PRKD1: variants seen among roughly 807,000 people sequenced by gnomAD.
PRKD1 encodes serine/threonine-protein kinase D1.
Under a neutral mutation model 95.9 loss-of-function variants are expected in PRKD1, and 63 were observed. That is an observed-to-expected ratio of 0.66 (90% confidence interval 0.54 to 0.81). PRKD1 has a LOEUF of 0.81. Among genes scored for constraint, PRKD1 ranks in the 30% least tolerant of loss-of-function variants. The pLI is 0.00. For missense variants in PRKD1, 1,048 were observed against 1,165.3 expected (o/e 0.90, Z 1.47); for synonymous variants, 425 against 423.1 (o/e 1.00, Z -0.05).
At position 29,577,136 on chromosome 14, in the gene PRKD1, C is replaced by A; in HGVS notation, c.*102G>T. The A allele has an allele frequency of 8.2e-7, 1 of 1,219,936 alleles. No homozygotes were observed. The highest frequency in any genetic ancestry group is 1.2e-6 in the Non-Finnish European group (1 of 852,676). 75.6% of individuals were successfully genotyped at this position (1,219,936 alleles called of 1,614,324 possible). The stretch of plus-strand genomic sequence containing the variant: ...GCTAACAGTTTAACAGCTTTGTTCT[C>A]ATCTGACAGAAAATAATGGCAGTTC... On this transcript the variant is annotated 3_prime_UTR_variant, in exon 18 of 18. Transcript: ENST00000331968.
In PRKD1 at chr14:29,908,858, T is replaced by G. The variant is rs535954218; in HGVS notation, c.264+18391A>C. 3.2e-3 allele frequency among the ~76,000 whole-genome samples: 481 copies of G among 152,218 alleles called. 1 individual carries two copies. Among genetic ancestry groups the G allele is most frequent in the African/African-American group, 0.011 (470 of 41,544 alleles). On this transcript the variant is annotated intron_variant, in intron 1 of 17. Transcript: ENST00000331968. ...CAGTGTGCTGGCAGCCCTCGCTCATTCTGGGCACCTCCTTGGCCTCAGCAC... is the reference window on the plus strand; with the variant it reads ...CAGTGTGCTGGCAGCCCTCGCTCATGCTGGGCACCTCCTTGGCCTCAGCAC...
In PRKD1 at chr14:29,718,051, G is replaced by A. The variant is rs1885712365; in HGVS notation, c.403+7485C>T. Among the ~76,000 whole-genome samples, 3 of 152,076 alleles carry A rather than the reference G, an allele frequency of 2.0e-5. No individual in the cohort carries two copies. In the South Asian group the frequency reaches 6.2e-4, roughly 32 times the overall value. On this transcript the variant is annotated intron_variant, in intron 2 of 17. Coordinates refer to ENST00000331968, the MANE Select transcript of PRKD1 (RefSeq NM_002742.3). ...CTGAAGTCACAAGTAGGGAAAAGTG[G>A]GAGTCTATGGTAACATTCCAATCTG...
At chr14:29,912,845 T>C (rs78375796) in intron 1 of PRKD1, among the ~76,000 whole-genome samples, 3,607 of 152,310 alleles carry the variant, frequency 0.024, 152 homozygotes, top group African/African-American at 0.083. Context: ...GTCATTACTG[T>C]GAAGAGCACT....
chr14:29,651,901 T>C (rs997182698), intron 4 of PRKD1, among the ~76,000 whole-genome samples: 4 of 152,076 alleles, frequency 2.6e-5, no homozygotes, highest in African/African-American at 9.7e-5. Context: ...TGCACCACCA[T>C]GCCCAGCTAA....
intron 2 of PRKD1, 149 bp downstream of exon 2, chr14:29,725,387 C>A: frequency 1.0e-6 from 1 of 954,628 alleles, no homozygotes; most frequent in Non-Finnish European, 1.5e-6. Context: ...CCTTTTGTTT[C>A]CCTTTTTCAT....
chr14:29,580,399 C>T (rs975429235), intron 16 of PRKD1, among the ~76,000 whole-genome samples: 2 of 152,016 alleles, frequency 1.3e-5, no homozygotes, highest in Admixed American at 1.3e-4. Flanking sequence ...GCAACTACTT[C>T]CAAGAGAAAA....
intron 1 of PRKD1, among the ~76,000 whole-genome samples, chr14:29,918,076 A>AAAT (rs150970525): frequency 0.024 from 3,590 of 152,158 alleles, 150 homozygotes; most frequent in African/African-American, 0.082. Flanking sequence ...TCAAAGCAGG[A>AAAT]AATATATTGC....
intron 13 of PRKD1, among the ~76,000 whole-genome samples, chr14:29,609,827 G>A (rs1878328554): frequency 6.6e-6 from 1 of 150,586 alleles, no homozygotes; most frequent in Non-Finnish European, 1.5e-5. Context: ...CCAAAGTGCT[G>A]AAATTACAGG....
At chr14:29,826,844 CATATAT>C (rs1228527833) in intron 1 of PRKD1, among the ~76,000 whole-genome samples, 489 of 28,674 alleles carry the variant, frequency 0.017, 116 homozygotes, top group African/African-American at 0.037. Flanking sequence ...TATATACACA[CATATAT>C]ATATATATAT....
chr14:29,830,962 G>A (rs966964396), intron 1 of PRKD1, among the ~76,000 whole-genome samples: 1 of 152,086 alleles, frequency 6.6e-6, no homozygotes, highest in African/African-American at 2.4e-5. Context: ...TGGGTTTATA[G>A]GCATGACCCA....
At position 29,626,469 on chromosome 14, in the gene PRKD1, A is replaced by T. The variant is rs1281315562; in HGVS notation, c.1798+15T>A. 6.3e-7 allele frequency: 1 copy of T among 1,595,014 alleles called. No individual in the cohort carries two copies. The highest frequency in any genetic ancestry group is 1.3e-5 in the African/African-American group (1 of 74,088). Reference sequence around the variant, plus strand: ...AAATTTTAAGTTCATAAAAATACTCAGTGAGATAACCTACCTCCATAAACA... The same window carrying T: ...AAATTTTAAGTTCATAAAAATACTCTGTGAGATAACCTACCTCCATAAACA... On this transcript the variant is annotated intron_variant, in intron 12 of 17. Transcript: ENST00000331968.
chr14:29,659,469 A>G (rs1452024991), intron 4 of PRKD1, among the ~76,000 whole-genome samples: 1 of 152,106 alleles, frequency 6.6e-6, no homozygotes, highest in African/African-American at 2.4e-5. Flanking sequence ...GTATATTCCT[A>G]TTGTATATAT....
intron 13 of PRKD1, among the ~76,000 whole-genome samples, chr14:29,604,598 T>C (rs1893638546): frequency 6.6e-6 from 1 of 152,162 alleles, no homozygotes; most frequent in Non-Finnish European, 1.5e-5. Flanking sequence ...TCGACTCTCA[T>C]TCCTGCCAGT....
chr14:29,813,840 C>A (rs553649863), intron 1 of PRKD1, among the ~76,000 whole-genome samples: 18 of 152,280 alleles, frequency 1.2e-4, no homozygotes, highest in African/African-American at 3.9e-4. Context: ...GATCAACCCA[C>A]CTTTTGGTTC....
intron 1 of PRKD1, among the ~76,000 whole-genome samples, chr14:29,738,996 T>C (rs1423607608): frequency 1.3e-5 from 2 of 152,062 alleles, no homozygotes; most frequent in Non-Finnish European, 2.9e-5. Flanking sequence ...CCACCATGCC[T>C]GACTACTTTT....
At chr14:29,706,045 C>A (rs1377809556) in intron 2 of PRKD1, among the ~76,000 whole-genome samples, 3 of 152,080 alleles carry the variant, frequency 2.0e-5, no homozygotes, top group Admixed American at 1.3e-4. Context: ...GCAGCTGCAC[C>A]ATTTTACATT....
At chr14:29,783,695 A>C (rs531303399) in intron 1 of PRKD1, among the ~76,000 whole-genome samples, 1 of 152,214 alleles carries the variant, frequency 6.6e-6, no homozygotes, top group African/African-American at 2.4e-5. Context: ...AACTGGGACG[A>C]GATATCTCAC....
intron 2 of PRKD1, among the ~76,000 whole-genome samples, chr14:29,719,746 T>A (rs1209867928): frequency 3.3e-5 from 5 of 152,226 alleles, no homozygotes; most frequent in African/African-American, 1.2e-4. Context: ...AAAGATTTCA[T>A]GCTTCCTAAC....
intron 11 of PRKD1, among the ~76,000 whole-genome samples, chr14:29,627,146 T>C (rs1171266772): frequency 1.3e-5 from 2 of 152,236 alleles, no homozygotes; most frequent in East Asian, 3.8e-4. Context: ...CCATACAATG[T>C]GATTTACTAT....
Sources: allele counts gnomAD v4.1 joint callset (sites outside exome capture counted in the v4.1 genomes callset), GRCh38; gene constraint gnomAD v4.1.1; transcripts MANE v1.5; gene names NCBI Gene and HGNC (gene_info 2026-07-23, HGNC 2026-07-21).